MARCHF8: variants seen among roughly 807,000 people sequenced by gnomAD.
The protein encoded by MARCHF8 is membrane associated ring-CH-type finger 8, also known as E3 ubiquitin-protein ligase MARCHF8.
Under a neutral mutation model 51.6 loss-of-function variants are expected in MARCHF8, and 40 were observed. The observed-to-expected ratio is 0.77, with a 90% CI of 0.60 to 1.01. The LOEUF is 1.01. Among genes scored for constraint, MARCHF8 ranks in the 50% least tolerant of loss-of-function variants. The pLI is 0.00. For synonymous variants in MARCHF8, 263 were observed against 280.3 expected (o/e 0.94, Z 0.62); for missense variants, 685 against 708.6 (o/e 0.97, Z 0.38).
At chr10:45,537,652 CAA>C (rs559861085), upstream of MARCHF8, among the ~76,000 whole-genome samples, 44 of 78,016 alleles carry the variant, frequency 5.6e-4, no homozygotes, top group Non-Finnish European at 4.7e-4. Context: ...GACCTTGTCT[CAA>C]AAAAAAAAAA....
intron 2 of MARCHF8, among the ~76,000 whole-genome samples, chr10:45,519,297 A>T (rs1010026995): frequency 6.6e-6 from 1 of 152,230 alleles, no homozygotes; most frequent in African/African-American, 2.4e-5. Context: ...ACTATGTGGC[A>T]AAACTAAATA....
chr10:45,533,314 A>T (rs1016205008), intron 1 of MARCHF8, 25 bp from the exon 2 acceptor site: 1 of 1,371,582 alleles, frequency 7.3e-7, no homozygotes. Flanking sequence ...AGAGAGAATA[A>T]ACATAACTCA....
At position 45,457,709 on chromosome 10, in the gene MARCHF8, C is replaced by G. The variant is rs1842646411; in HGVS notation, c.*530G>C. 1 of 153,382 alleles carries G rather than the reference C, an allele frequency of 6.5e-6. No homozygotes were observed. Among genetic ancestry groups the G allele is most frequent in the Non-Finnish European group, 1.5e-5 (1 of 68,558 alleles). 9.5% of individuals were successfully genotyped at this position (153,382 alleles called of 1,614,324 possible). A position where few individuals can be genotyped will look rare whatever the true frequency, so the allele number is the denominator to read the frequency against. On this transcript the variant is annotated 3_prime_UTR_variant, in exon 8 of 8. Coordinates refer to ENST00000453424, the MANE Select transcript of MARCHF8 (RefSeq NM_001282866.2). ...GCCACCACAGAGCACCATGGCTCCA[C>G]CTGCTCAAGAGCATGGAGGAGGCAG...
rs1310569889 is a variant in MARCHF8, at chr10:45,470,120, G to A, written c.154-5793C>T. Among the ~76,000 whole-genome samples the A allele has an allele frequency of 1.3e-5, 2 of 152,166 alleles. 1 individual carries two copies. Among genetic ancestry groups the A allele is most frequent in the Non-Finnish European group, 2.9e-5 (2 of 68,038 alleles). ...AAAGCATTTGCCACCCATATAAGAGGTGTGTTGCTATGTAAACAAAACTTA... is the reference window on the plus strand; with the variant it reads ...AAAGCATTTGCCACCCATATAAGAGATGTGTTGCTATGTAAACAAAACTTA... On this transcript the variant is annotated intron_variant, in intron 3 of 7. Transcript: ENST00000453424.
intron 1 of MARCHF8, among the ~76,000 whole-genome samples, chr10:45,578,179 A>G (rs956375774): frequency 2.6e-5 from 4 of 152,166 alleles, no homozygotes; most frequent in African/African-American, 7.2e-5. Flanking sequence ...ATTTCCAAAT[A>G]CCATTTTTTC....
chr10:45,492,276 TTTCTTC>T (rs369983458), intron 2 of MARCHF8, among the ~76,000 whole-genome samples: 260 of 151,978 alleles, frequency 1.7e-3, no homozygotes, highest in African/African-American at 5.5e-3. Context: ...CACTGCTCTT[TTTCTTC>T]TTCTTCTTCT....
At chr10:45,477,004 C>G (rs562394968) in intron 3 of MARCHF8, among the ~76,000 whole-genome samples, 3 of 152,106 alleles carry the variant, frequency 2.0e-5, no homozygotes, top group Non-Finnish European at 2.9e-5. Flanking sequence ...ATAAGAAGCT[C>G]AGAGATATCC....
At chr10:45,524,420 G>T (rs1412471099) in intron 2 of MARCHF8, among the ~76,000 whole-genome samples, 1 of 152,142 alleles carries the variant, frequency 6.6e-6, no homozygotes, top group African/African-American at 2.4e-5. Context: ...AGCAAGAACA[G>T]GTAAACAGGT....
chr10:45,521,903 T>G (rs1323185930), intron 2 of MARCHF8, among the ~76,000 whole-genome samples: 1 of 152,206 alleles, frequency 6.6e-6, no homozygotes, highest in African/African-American at 2.4e-5. Flanking sequence ...ATACATATTC[T>G]GATGCATAAA....
chr10:45,467,790 T>G (rs534407171), intron 3 of MARCHF8, among the ~76,000 whole-genome samples: 3 of 152,120 alleles, frequency 2.0e-5, no homozygotes, highest in Admixed American at 6.6e-5. Flanking sequence ...AGAGAACACC[T>G]ACACTCTCCT....
At chr10:45,523,825 T>C (rs2043748351) in intron 2 of MARCHF8, among the ~76,000 whole-genome samples, 1 of 152,200 alleles carries the variant, frequency 6.6e-6, no homozygotes, top group Non-Finnish European at 1.5e-5. Context: ...CTAGATTATG[T>C]ACACTCTTAA....
chr10:45,459,780 G>C, intron 6 of MARCHF8: 1 of 985,374 alleles, frequency 1.0e-6, no homozygotes, highest in Non-Finnish European at 1.2e-6. Flanking sequence ...GCTCGAAATC[G>C]ACGCTAAGAG....
At chr10:45,474,262 TGGC>T (rs2042746644) in intron 3 of MARCHF8, among the ~76,000 whole-genome samples, 1 of 152,138 alleles carries the variant, frequency 6.6e-6, no homozygotes, top group African/African-American at 2.4e-5. Flanking sequence ...GGGGCAGTGG[TGGC>T]ACAGGACACA....
chr10:45,590,483 T>C (rs561046126), intron 1 of MARCHF8, among the ~76,000 whole-genome samples: 38 of 152,258 alleles, frequency 2.5e-4, no homozygotes, highest in Non-Finnish European at 4.9e-4. Flanking sequence ...TACAGCTACA[T>C]TGGAAAGCAA....
At chr10:45,537,506 A>G (rs961421253), upstream of MARCHF8, among the ~76,000 whole-genome samples, 2 of 152,050 alleles carry the variant, frequency 1.3e-5, no homozygotes, top group African/African-American at 4.8e-5. Context: ...CTCAAAACTT[A>G]GCCGGGTGTG....
intron 1 of MARCHF8, among the ~76,000 whole-genome samples, chr10:45,542,866 GATA>G (rs1252642880): frequency 6.6e-6 from 1 of 152,070 alleles, no homozygotes; most frequent in Admixed American, 6.5e-5. Flanking sequence ...CATTATTTAA[GATA>G]ATAAATAAAG....
rs550435110 is a variant in MARCHF8, at chr10:45,456,113, G to C, written c.*2126C>G. ...TCACCTGAAACACTCATCTACTGCT[G>C]GGTGGCAGGAACAAGTATACAAAAC... On this transcript the variant is annotated 3_prime_UTR_variant, in exon 8 of 8. Coordinates refer to ENST00000453424, the MANE Select transcript of MARCHF8 (RefSeq NM_001282866.2). The C allele has an allele frequency of 6.6e-6, 1 of 152,450 alleles. No individual in the cohort carries two copies. The highest frequency in any genetic ancestry group is 2.1e-4 in the South Asian group (1 of 4,834). The allele number at this position is 152,450 out of a possible 1,614,324, so 9.4% of individuals were successfully genotyped here.
In MARCHF8 at chr10:45,557,794, A is replaced by G. The variant is rs182151736; in HGVS notation, c.-78-24505T>C. On this transcript the variant is annotated intron_variant, in intron 1 of 6. Coordinates refer to the MARCHF8 transcript ENST00000319836. ...TGTCTGCATTTAACAAAGGCTTACC[A>G]CTGCTTAGGCAGCCCCATAACAATG... is the stretch of plus-strand genomic sequence containing the variant. Among the ~76,000 whole-genome samples the G allele has an allele frequency of 1.8e-4, 27 of 152,280 alleles. No individual in the cohort carries two copies. In the East Asian group the frequency reaches 4.4e-3, roughly 25 times the overall value.
chr10:45,519,022 T>G (rs968285793), intron 2 of MARCHF8, among the ~76,000 whole-genome samples: 17 of 152,130 alleles, frequency 1.1e-4, no homozygotes, highest in Non-Finnish European at 1.5e-4. Flanking sequence ...CTCTAAAAGA[T>G]ATGCTGGAAG....
Sources: allele counts gnomAD v4.1 joint callset (sites outside exome capture counted in the v4.1 genomes callset), GRCh38; gene constraint gnomAD v4.1.1; transcripts MANE v1.5; gene names NCBI Gene and HGNC (gene_info 2026-07-23, HGNC 2026-07-21).